Variants in LRRC7 observed in about 807,000 individuals in gnomAD.
LRRC7 encodes leucine rich repeat containing 7.
In LRRC7, 23 loss-of-function variants were observed where a neutral mutation model predicts 175.7. The ratio of observed to expected loss-of-function variants is 0.13; its 90% CI spans 0.09 to 0.19. The LOEUF is 0.19. Among genes scored for constraint, LRRC7 ranks in the 10% least tolerant of loss-of-function variants. The pLI is 1.00. For synonymous variants in LRRC7, 685 were observed against 680.9 expected, an observed-to-expected ratio of 1.01 and a Z score of -0.09; for missense variants, 1,354 against 1,904.7, an observed-to-expected ratio of 0.71 and a Z score of 5.38.
intron 1 of LRRC7, among the ~76,000 whole-genome samples, chr1:69,620,072 C>T (rs543674983): frequency 4.6e-4 from 70 of 152,244 alleles, no homozygotes; most frequent in African/African-American, 1.6e-3. Flanking sequence ...CCTTTCCCAA[C>T]GATTTATCTG....
intron 3 of LRRC7, among the ~76,000 whole-genome samples, chr1:69,765,074 C>T (rs1451232780): frequency 1.3e-5 from 2 of 152,034 alleles, no homozygotes; most frequent in Non-Finnish European, 2.9e-5. Flanking sequence ...ACCCTACACA[C>T]TTACATCAAC....
Position 69,602,042 on chromosome 1 carries a change from G to A in LRRC7, c.2+33401G>A, listed in dbSNP as rs200651554. On this transcript the variant is annotated intron_variant, in intron 1 of 26. Transcript: ENST00000651989. ...TTATATACCTGTCATTTAGTTCAAC[G>A]AGAATCTTAAGAAGTTGGAAGGGCA... Among the ~76,000 whole-genome samples, 8 of 152,194 alleles carry A rather than the reference G, an allele frequency of 5.3e-5. No homozygotes were observed. The South Asian group carries it at 1.2e-3, about 24-fold the overall frequency.
At chr1:70,110,085 T>C (rs1665419666) in intron 26 of LRRC7, among the ~76,000 whole-genome samples, 1 of 152,098 alleles carries the variant, frequency 6.6e-6, no homozygotes, top group South Asian at 2.1e-4. Context: ...GATGGAAACA[T>C]AGGTTAGTGT....
At chr1:69,891,404 C>T (rs1370543826) in intron 7 of LRRC7, among the ~76,000 whole-genome samples, 2 of 152,144 alleles carry the variant, frequency 1.3e-5, no homozygotes, top group South Asian at 2.1e-4. Context: ...TTCATGGCTC[C>T]CCAAAACAAT....
At chr1:69,654,363 T>C (rs755932841) in intron 1 of LRRC7, among the ~76,000 whole-genome samples, 2 of 152,092 alleles carry the variant, frequency 1.3e-5, no homozygotes, top group Non-Finnish European at 2.9e-5. Context: ...GGGTGAATTA[T>C]AATAATGTAA....
chr1:69,795,205 C>T (rs1675585622), intron 4 of LRRC7, among the ~76,000 whole-genome samples: 1 of 152,030 alleles, frequency 6.6e-6, no homozygotes, highest in Non-Finnish European at 1.5e-5. Flanking sequence ...CATGGTGAAA[C>T]CCCGTCTTGA....
intron 7 of LRRC7, among the ~76,000 whole-genome samples, chr1:69,910,249 G>T (rs191864322): frequency 6.6e-6 from 1 of 152,212 alleles, no homozygotes; most frequent in Non-Finnish European, 1.5e-5. Flanking sequence ...TCCTTTGGAG[G>T]AGGAGAGGTG....
chr1:69,998,544 C>A (rs1557972963), intron 11 of LRRC7, among the ~76,000 whole-genome samples: 1 of 152,220 alleles, frequency 6.6e-6, no homozygotes, highest in East Asian at 1.9e-4. Context: ...TCTTTATCAG[C>A]CCGATGCTTT....
At chr1:69,977,430 G>A (rs999894802) in intron 8 of LRRC7, among the ~76,000 whole-genome samples, 1 of 152,126 alleles carries the variant, frequency 6.6e-6, no homozygotes, top group Non-Finnish European at 1.5e-5. Flanking sequence ...ACTATGACTA[G>A]TATAATGCCT....
intron 2 of LRRC7, among the ~76,000 whole-genome samples, chr1:69,690,734 A>G (rs1198930415): frequency 6.6e-6 from 1 of 152,152 alleles, no homozygotes; most frequent in Non-Finnish European, 1.5e-5. Flanking sequence ...CTAAATGACC[A>G]CAGAGCAGAG....
In LRRC7 at chr1:69,673,714, A is replaced by G. The variant is rs532728957; in HGVS notation, c.3-4667A>G. On this transcript the variant is annotated intron_variant, in intron 1 of 26. Transcript: ENST00000651989. ...CAAACATTGCTCTGCAAAATTATTAACTTCATTTTAAGTATGTTTCCAGTG... is the reference window on the plus strand; with the variant it reads ...CAAACATTGCTCTGCAAAATTATTAGCTTCATTTTAAGTATGTTTCCAGTG... 2.0e-5 allele frequency among the ~76,000 whole-genome samples: 3 copies of G among 152,364 alleles called. No homozygotes were observed. The East Asian group carries it at 5.8e-4, about 29-fold the overall frequency.
intron 7 of LRRC7, among the ~76,000 whole-genome samples, chr1:69,917,838 C>T (rs146926722): frequency 6.4e-4 from 98 of 152,182 alleles, no homozygotes; most frequent in Non-Finnish European, 1.2e-3. Context: ...GGTTGTATTG[C>T]ATATATAAGA....
At chr1:69,836,436 A>T (rs1198215149) in intron 6 of LRRC7, among the ~76,000 whole-genome samples, 2 of 152,014 alleles carry the variant, frequency 1.3e-5, no homozygotes, top group African/African-American at 2.4e-5. Flanking sequence ...ATGTTTAATT[A>T]TTATCTTAAG....
At chr1:69,679,972 T>A (rs1325750320) in intron 2 of LRRC7, among the ~76,000 whole-genome samples, 1 of 152,250 alleles carries the variant, frequency 6.6e-6, no homozygotes, top group Admixed American at 6.5e-5. Context: ...CAACTGATTT[T>A]GCACTACAAA....
At chr1:70,048,366 C>A (rs1660494959) in intron 22 of LRRC7, among the ~76,000 whole-genome samples, 1 of 152,088 alleles carries the variant, frequency 6.6e-6, no homozygotes, top group East Asian at 1.9e-4. Flanking sequence ...GAAACTGAGG[C>A]TCATGTGTTA....
intron 1 of LRRC7, among the ~76,000 whole-genome samples, chr1:69,602,374 G>T (rs1325254138): frequency 6.6e-6 from 1 of 152,132 alleles, no homozygotes; most frequent in African/African-American, 2.4e-5. Context: ...GATGGTGAAT[G>T]TCCTTTGGAA....
At position 70,121,798 on chromosome 1, in the gene LRRC7, G is replaced by C. The variant is rs1419013668; in HGVS notation, c.4639G>C (p.Val1547Leu). The change falls in exon 27 of 27, where the codon GTA becomes CTA. Residue 1547 changes from valine to leucine, a missense_variant. Val to Leu is a conservative substitution (Grantham distance 32). Coordinates refer to ENST00000651989, the MANE Select transcript of LRRC7 (RefSeq NM_001370785.2). ...KILQANGHSF[V>L]HMEHEKAVLL... ...TTTACAGGCAAATGGACACAGTTTTGTACATATGGAACATGAAAAAGCTGT... is the reference window on the plus strand; with the variant it reads ...TTTACAGGCAAATGGACACAGTTTTCTACATATGGAACATGAAAAAGCTGT... 1 of 1,610,674 alleles carries C rather than the reference G, an allele frequency of 6.2e-7. No individual in the cohort carries two copies. The highest frequency in any genetic ancestry group is 8.5e-7 in the Non-Finnish European group (1 of 1,177,300).
chr1:69,631,541 C>A (rs1652497324), intron 1 of LRRC7, among the ~76,000 whole-genome samples: 1 of 151,988 alleles, frequency 6.6e-6, no homozygotes, highest in Admixed American at 6.6e-5. Context: ...ATCATTATGG[C>A]CAGGGCCCCA....
At chr1:69,816,109 C>T (rs1678563515) in intron 4 of LRRC7, among the ~76,000 whole-genome samples, 1 of 152,054 alleles carries the variant, frequency 6.6e-6, no homozygotes, top group African/African-American at 2.4e-5. Flanking sequence ...TCCTGAGTAG[C>T]TGGGATTAGA....
Sources: gnomAD v4.1 joint callset for allele counts (sites outside exome capture counted in the v4.1 genomes callset) on GRCh38, gnomAD v4.1.1 for gene constraint, MANE v1.5 for transcripts, NCBI Gene and HGNC (gene_info 2026-07-23, HGNC 2026-07-21) for gene names.